Variants in FGF12 observed in about 807,000 individuals in gnomAD.
FGF12 encodes fibroblast growth factor 12, also known as fibroblast growth factor 12B.
In FGF12, 14 loss-of-function variants were observed where a neutral mutation model predicts 23.6. The observed-to-expected ratio is 0.59, with a 90% CI of 0.39 to 0.93. FGF12 has a LOEUF of 0.93. Ranked by LOEUF, FGF12 falls within the 40% of genes least tolerant of loss-of-function variation. The pLI, the probability that FGF12 is intolerant of heterozygous loss-of-function variation, is 0.00. For missense variants in FGF12, 175 were observed against 217.8 expected (o/e 0.80, Z 1.24); for synonymous variants, 62 against 77.3 (o/e 0.80, Z 1.04).
At chr3:192,356,071 T>G (rs1465835733) in intron 3 of FGF12, among the ~76,000 whole-genome samples, 3 of 152,192 alleles carry the variant, frequency 2.0e-5, no homozygotes, top group African/African-American at 7.2e-5. Context: ...TATAATTTGG[T>G]GCCACATACT....
At chr3:192,398,145 G>C (rs1720603227) in intron 2 of FGF12, among the ~76,000 whole-genome samples, 2 of 152,152 alleles carry the variant, frequency 1.3e-5, no homozygotes, top group Non-Finnish European at 2.9e-5. Flanking sequence ...CTAAATTGGT[G>C]TCAAGAGAAA....
intron 3 of FGF12, among the ~76,000 whole-genome samples, chr3:192,344,680 G>A (rs1317423546): frequency 6.6e-6 from 1 of 152,148 alleles, no homozygotes; most frequent in Non-Finnish European, 1.5e-5. Flanking sequence ...GAGCAGCATT[G>A]TGATCTCTTT....
At chr3:192,536,676 G>A (rs1431714491) in intron 2 of FGF12, among the ~76,000 whole-genome samples, 1 of 151,698 alleles carries the variant, frequency 6.6e-6, no homozygotes, top group Non-Finnish European at 1.5e-5. Context: ...TTTAGTTTTT[G>A]TGGGTACATA....
chr3:192,312,785 A>T (rs1002279511), intron 4 of FGF12, among the ~76,000 whole-genome samples: 1 of 151,582 alleles, frequency 6.6e-6, no homozygotes, highest in Non-Finnish European at 1.5e-5. Context: ...CAAAATATTT[A>T]ATGTTTCTAT....
At chr3:192,242,017 G>T (rs960997116) in intron 4 of FGF12, among the ~76,000 whole-genome samples, 1 of 152,092 alleles carries the variant, frequency 6.6e-6, no homozygotes, top group South Asian at 2.1e-4. Flanking sequence ...CTGAGGCAGT[G>T]TTCAGAAAAA....
rs114972326 is a variant in FGF12 at position 192,473,704 on chromosome 3, A to G, written c.14-113166T>C. ...AATGACTTGTCATACATTCTCTGGG[A>G]AAGAACCACATTCCCACCTCATTGA... On this transcript the variant is annotated intron_variant, in intron 2 of 5. Coordinates refer to ENST00000445105, the MANE Select transcript of FGF12 (RefSeq NM_004113.6). Among the ~76,000 whole-genome samples, 667 of 152,300 alleles carry G rather than the reference A, an allele frequency of 4.4e-3. 3 individuals carry two copies. Among genetic ancestry groups the G allele is most frequent in the Non-Finnish European group, 7.2e-3 (493 of 68,028 alleles).
At chr3:192,283,271 A>G (rs1198618151) in intron 4 of FGF12, among the ~76,000 whole-genome samples, 3 of 152,114 alleles carry the variant, frequency 2.0e-5, no homozygotes. Context: ...TTATAATAGT[A>G]ATAACAGTAT....
At chr3:192,268,625 G>A in intron 4 of FGF12, 1 of 423,352 alleles carries the variant, frequency 2.4e-6, no homozygotes, top group South Asian at 1.7e-5. Context: ...CCCCTGCATT[G>A]CTCCTGATTT....
intron 2 of FGF12, among the ~76,000 whole-genome samples, chr3:192,685,490 C>T (rs1178304801): frequency 6.6e-6 from 1 of 152,202 alleles, no homozygotes; most frequent in East Asian, 1.9e-4. Context: ...CACCCCAGTT[C>T]CTGTTCTCCA....
intron 4 of FGF12, among the ~76,000 whole-genome samples, chr3:192,211,651 C>T (rs142612409): frequency 0.065 from 9,886 of 151,760 alleles, 968 homozygotes; most frequent in African/African-American, 0.22. Context: ...GGTCATGAAC[C>T]CCTGACCTCA....
intron 2 of FGF12, among the ~76,000 whole-genome samples, chr3:192,445,716 T>G (rs1318310446): frequency 6.6e-6 from 1 of 152,180 alleles, no homozygotes; most frequent in African/African-American, 2.4e-5. Context: ...TTTAAAGAGT[T>G]CATCCCAAAC....
chr3:192,679,027 T>C (rs992898607), intron 2 of FGF12, among the ~76,000 whole-genome samples: 1 of 152,170 alleles, frequency 6.6e-6, no homozygotes, highest in Non-Finnish European at 1.5e-5. Flanking sequence ...CAGTGCAGAT[T>C]TGGGGGCCAC....
At chr3:192,280,465 ATAAG>A (rs1714077759) in intron 4 of FGF12, among the ~76,000 whole-genome samples, 1 of 152,158 alleles carries the variant, frequency 6.6e-6, no homozygotes, top group Non-Finnish European at 1.5e-5. Context: ...TTCTTGTCAC[ATAAG>A]TCTTTTGCTA....
chr3:192,626,277 G>T (rs1182039028), intron 2 of FGF12, among the ~76,000 whole-genome samples: 1 of 152,058 alleles, frequency 6.6e-6, no homozygotes, highest in Non-Finnish European at 1.5e-5. Flanking sequence ...TAATTTTCCA[G>T]GCAGTCAATT....
At chr3:192,532,439 G>A (rs1725112156) in intron 2 of FGF12, among the ~76,000 whole-genome samples, 1 of 151,946 alleles carries the variant, frequency 6.6e-6, no homozygotes, top group Non-Finnish European at 1.5e-5. Context: ...GCATTGTTTT[G>A]TAGTTCTCCT....
chr3:192,359,278 A>G (rs1718614747), intron 3 of FGF12, among the ~76,000 whole-genome samples: 1 of 152,212 alleles, frequency 6.6e-6, no homozygotes, highest in African/African-American at 2.4e-5. Context: ...TAACTTAGAA[A>G]GGGTGGACAA....
At chr3:192,619,466 C>T (rs1335515388) in intron 2 of FGF12, among the ~76,000 whole-genome samples, 5 of 152,156 alleles carry the variant, frequency 3.3e-5, no homozygotes, top group Non-Finnish European at 5.9e-5. Context: ...TCCCATCAGT[C>T]GCTCTAGCCA....
At chr3:192,428,245 C>A (rs533503232) in intron 2 of FGF12, among the ~76,000 whole-genome samples, 3 of 152,156 alleles carry the variant, frequency 2.0e-5, no homozygotes, top group Non-Finnish European at 2.9e-5. Context: ...CTCCTCTACT[C>A]GACCATGATT....
At chr3:192,378,127 T>C (rs1576927784) in intron 2 of FGF12, among the ~76,000 whole-genome samples, 1 of 147,462 alleles carries the variant, frequency 6.8e-6, no homozygotes, top group Admixed American at 6.7e-5. Flanking sequence ...CTTTGTTTTT[T>C]TTTCTCAGTG....
Sources: allele counts gnomAD v4.1 joint callset (sites outside exome capture counted in the v4.1 genomes callset), GRCh38; gene constraint gnomAD v4.1.1; transcripts MANE v1.5; gene names NCBI Gene and HGNC (gene_info 2026-07-23, HGNC 2026-07-21).